KIRREL1: variants seen among roughly 807,000 people sequenced by gnomAD.
The protein encoded by KIRREL1 is kin of IRRE-like protein 1.
In KIRREL1, 25 loss-of-function variants were observed where a neutral mutation model predicts 83.3. That is an observed-to-expected ratio of 0.30 (90% CI 0.22 to 0.42). The LOEUF (loss-of-function observed/expected upper bound fraction) is 0.42. KIRREL1 is among the 10% of genes least tolerant of loss of function. KIRREL1 has a pLI of 1.00. For synonymous variants in KIRREL1, 388 were observed against 410.4 expected (o/e 0.95, Z 0.66); for missense variants, 812 against 1,032.3 (o/e 0.79, Z 2.92).
At chr1:158,057,907 T>C (rs1015162321) in intron 1 of KIRREL1, among the ~76,000 whole-genome samples, 3 of 152,234 alleles carry the variant, frequency 2.0e-5, no homozygotes, top group African/African-American at 7.2e-5. Flanking sequence ...ACCTAGGGGC[T>C]TTCTCTAACC....
intron 1 of KIRREL1, among the ~76,000 whole-genome samples, chr1:157,995,699 T>C (rs190864921): frequency 1.7e-4 from 26 of 152,300 alleles, no homozygotes; most frequent in African/African-American, 6.0e-4. Context: ...TTGTGTGCCT[T>C]TCTCTCTTTG....
At chr1:158,008,728 G>T (rs973208636) in intron 1 of KIRREL1, among the ~76,000 whole-genome samples, 1 of 152,124 alleles carries the variant, frequency 6.6e-6, no homozygotes, top group Non-Finnish European at 1.5e-5. Context: ...GCTGCGCCAG[G>T]TGTTTCACAG....
At chr1:158,081,800 AG>A (rs1661867055) in intron 3 of KIRREL1, among the ~76,000 whole-genome samples, 1 of 152,172 alleles carries the variant, frequency 6.6e-6, no homozygotes, top group Non-Finnish European at 1.5e-5. Context: ...CTGCTGGCAG[AG>A]GTGACAGATG....
chr1:158,051,652 G>A (rs1660913398), intron 1 of KIRREL1, among the ~76,000 whole-genome samples: 1 of 151,832 alleles, frequency 6.6e-6, no homozygotes, highest in Non-Finnish European at 1.5e-5. Flanking sequence ...CCCCTCTCTT[G>A]CTTACTCTTT....
intron 1 of KIRREL1, among the ~76,000 whole-genome samples, chr1:158,064,278 C>T (rs900283747): frequency 6.6e-5 from 10 of 152,332 alleles, no homozygotes; most frequent in African/African-American, 1.9e-4. Flanking sequence ...AAGTCTTTGG[C>T]GTCATGGTTA....
rs1386970103 is a variant in KIRREL1, at chr1:158,097,293, T to G, written c.*2173T>G. On this transcript the variant is annotated 3_prime_UTR_variant, in exon 15 of 15. Transcript: ENST00000359209. ...CATGGGGGAATCCAAAGACTTGAAG[T>G]CTAAAGATGGTGGCTTTTAAAACAT... 1 of 318,562 alleles carries G rather than the reference T, an allele frequency of 3.1e-6. No homozygotes were observed. The highest frequency in any genetic ancestry group is 6.1e-6 in the Non-Finnish European group (1 of 164,292). The allele number at this position is 318,562 out of a possible 1,614,324, so 19.7% of individuals were successfully genotyped here.
At chr1:158,077,426 G>A (rs1487178926) in intron 2 of KIRREL1, among the ~76,000 whole-genome samples, 3 of 152,192 alleles carry the variant, frequency 2.0e-5, no homozygotes. Context: ...GGGTGGGGGA[G>A]CCTGGAGGAA....
chr1:158,049,428 C>T (rs1660857174), intron 1 of KIRREL1, among the ~76,000 whole-genome samples: 1 of 152,148 alleles, frequency 6.6e-6, no homozygotes, highest in Non-Finnish European at 1.5e-5. Flanking sequence ...TGAGGGGGTG[C>T]ACCCGCACTG....
intron 1 of KIRREL1, among the ~76,000 whole-genome samples, chr1:158,024,342 G>A (rs1434242136): frequency 3.0e-5 from 4 of 131,318 alleles, no homozygotes; most frequent in Non-Finnish European, 4.6e-5. Flanking sequence ...GGAGTGGTGC[G>A]ATCTCTGCTC....
intron 3 of KIRREL1, among the ~76,000 whole-genome samples, chr1:158,084,186 A>C (rs1164016575): frequency 6.6e-6 from 1 of 152,120 alleles, no homozygotes; most frequent in Non-Finnish European, 1.5e-5. Context: ...ACCAGAAAAT[A>C]TTATAGGCCA....
chr1:158,039,765 GTCT>G (rs113374222), intron 1 of KIRREL1, among the ~76,000 whole-genome samples: 4 of 152,284 alleles, frequency 2.6e-5, no homozygotes, highest in African/African-American at 9.6e-5. Flanking sequence ...CTATTTCTAG[GTCT>G]TCTTTCCAAA....
At chr1:158,040,422 G>C (rs10796992) in intron 1 of KIRREL1, among the ~76,000 whole-genome samples, 123,241 of 152,218 alleles carry the variant, frequency 0.81, 50,437 homozygotes, top group East Asian at 0.99. Flanking sequence ...CTGACCCCAG[G>C]TTTTATTGTT....
intron 1 of KIRREL1, among the ~76,000 whole-genome samples, chr1:158,075,192 G>GA (rs1483800977): frequency 1.3e-5 from 2 of 152,128 alleles, no homozygotes; most frequent in Non-Finnish European, 2.9e-5. Context: ...TGGTGGGGGA[G>GA]AAAAAACCCG....
chr1:158,046,981 T>C (rs1660795391), intron 1 of KIRREL1, among the ~76,000 whole-genome samples: 1 of 152,128 alleles, frequency 6.6e-6, no homozygotes, highest in Non-Finnish European at 1.5e-5. Context: ...CAGATGCCTG[T>C]GGAAACAACA....
In KIRREL1 at chr1:158,086,670, G is replaced by A; in HGVS notation, c.585G>A (p.Gly195=). 1.3e-6 allele frequency: 2 copies of A among 1,551,910 alleles called. No homozygotes were observed. Among genetic ancestry groups the A allele is most frequent in the Non-Finnish European group, 1.7e-6 (2 of 1,147,034 alleles). The change falls in exon 5 of 15, where the codon GGG becomes GGA. Residue 195 remains glycine (G), a synonymous_variant. Coordinates refer to ENST00000359209, the MANE Select transcript of KIRREL1 (RefSeq NM_018240.7). ...TTAACCCCACGGACCTGGACATAGG[G>A]CGTGTCTTCACTTGCCGAAGCATGA... ...LLINPTDLDI[G]RVFTCRSMNE... is the part of the protein sequence containing the mutation.
rs371278452 is a variant in KIRREL1, at chr1:158,034,114, A to G, written c.52+40386A>G. Among the ~76,000 whole-genome samples, 17 of 152,120 alleles carry G rather than the reference A, an allele frequency of 1.1e-4. No homozygotes were observed. The South Asian group carries it at 3.5e-3, about 32-fold the overall frequency. On this transcript the variant is annotated intron_variant, in intron 1 of 14. Transcript: ENST00000359209. ...CGGTGTAACCCCGTCTCTAGTAAAA[A>G]TACAAAAAATTAGCTGGGCTTGGTG...
intron 3 of KIRREL1, among the ~76,000 whole-genome samples, chr1:158,080,083 C>G (rs1451172135): frequency 6.6e-6 from 1 of 152,132 alleles, no homozygotes; most frequent in Non-Finnish European, 1.5e-5. Context: ...AAGACATCAT[C>G]TTTCATCCCT....
chr1:158,087,368 A>G (rs1662044811), intron 5 of KIRREL1, among the ~76,000 whole-genome samples: 1 of 152,090 alleles, frequency 6.6e-6, no homozygotes, highest in Non-Finnish European at 1.5e-5. Context: ...AGCATCTAGC[A>G]TGGAGTATTC....
intron 1 of KIRREL1, among the ~76,000 whole-genome samples, chr1:158,027,762 G>A (rs1027838800): frequency 1.3e-5 from 2 of 152,214 alleles, no homozygotes; most frequent in African/African-American, 4.8e-5. Context: ...TTGGCGCATA[G>A]TAGGTCCTCA....
Sources: gnomAD v4.1 joint callset for allele counts (sites outside exome capture counted in the v4.1 genomes callset) on GRCh38, gnomAD v4.1.1 for gene constraint, MANE v1.5 for transcripts, NCBI Gene and HGNC (gene_info 2026-07-23, HGNC 2026-07-21) for gene names.